PRKAR1A: variants seen among roughly 807,000 people sequenced by gnomAD.
PRKAR1A encodes the protein cAMP-dependent protein kinase type I-alpha regulatory subunit.
PRKAR1A carries 3 observed loss-of-function variants against 52.0 expected under a neutral mutation model. The ratio of observed to expected loss-of-function variants is 0.06; its 90% CI spans 0.03 to 0.15. PRKAR1A has a LOEUF of 0.15. PRKAR1A is among the 10% of genes least tolerant of loss of function. The pLI is 1.00. For missense variants in PRKAR1A, 240 were observed against 477.4 expected (o/e 0.50, Z 4.63); for synonymous variants, 188 against 168.4 (o/e 1.12, Z -0.90).
intron 11 of PRKAR1A, chr17:68,542,804 A>C: frequency 6.2e-7 from 1 of 1,612,668 alleles, no homozygotes; most frequent in Non-Finnish European, 8.5e-7. Flanking sequence ...TCGGAAGTCC[A>C]GAATCCTGCA....
At chr17:68,528,262 A>G (rs2085852786) in intron 8 of PRKAR1A, among the ~76,000 whole-genome samples, 1 of 152,170 alleles carries the variant, frequency 6.6e-6, no homozygotes. Flanking sequence ...TGTTATGTGG[A>G]CTTGGAGATG....
chr17:68,450,466 G>A, the PRKAR1A span, among the ~76,000 whole-genome samples: 1 of 152,186 alleles, frequency 6.6e-6, no homozygotes, highest in Non-Finnish European at 1.5e-5. Context: ...TGCCCAATCT[G>A]TACCCTAGGG....
At chr17:68,457,225 C>G in the PRKAR1A span, 3 of 1,249,252 alleles carry the variant, frequency 2.4e-6, no homozygotes, top group Non-Finnish European at 3.3e-6. Context: ...AAGCAGACAC[C>G]GGCCCTCCCG....
At chr17:68,442,483 A>AGGAGAAAC in the PRKAR1A span, among the ~76,000 whole-genome samples, 1 of 150,474 alleles carries the variant, frequency 6.6e-6, no homozygotes, top group African/African-American at 2.4e-5. Flanking sequence ...AAAAAAAAAA[A>AGGAGAAAC]GGAGAAACAT....
At chr17:68,421,974 G>T in the PRKAR1A span, 1 of 817,188 alleles carries the variant, frequency 1.2e-6, no homozygotes, top group Non-Finnish European at 2.1e-6. Flanking sequence ...CCACAGAATG[G>T]TCACCCAGCT....
intron 11 of PRKAR1A, among the ~76,000 whole-genome samples, chr17:68,546,064 G>A (rs1159743480): frequency 6.6e-6 from 1 of 151,278 alleles, no homozygotes; most frequent in Non-Finnish European, 1.5e-5. Context: ...AGCTACTTGG[G>A]AGGCTGAGGC....
Position 68,531,776 on chromosome 17 carries a change from T to C in PRKAR1A, c.*1327T>C. The C allele has an allele frequency of 9.6e-7, 1 of 1,040,002 alleles. No individual in the cohort carries two copies. The highest frequency in any genetic ancestry group is 1.7e-5 in the African/African-American group (1 of 60,602). 64.4% of individuals were successfully genotyped at this position (1,040,002 alleles called of 1,614,324 possible). A position where few individuals can be genotyped will look rare whatever the true frequency, so the allele number is the denominator to read the frequency against. ...ACTGTATTTCAGTATTTTCCAGCCTTATGTGTTACATTATTCCAATGATAC... is the reference window on the plus strand; with the variant it reads ...ACTGTATTTCAGTATTTTCCAGCCTCATGTGTTACATTATTCCAATGATAC... On this transcript the variant is annotated 3_prime_UTR_variant, in exon 11 of 11. Coordinates refer to ENST00000589228, the MANE Select transcript of PRKAR1A (RefSeq NM_002734.5).
At chr17:68,519,403 A>G (rs1238646067) in intron 2 of PRKAR1A, among the ~76,000 whole-genome samples, 1 of 152,218 alleles carries the variant, frequency 6.6e-6, no homozygotes, top group Admixed American at 6.5e-5. Context: ...AGGGTCAAGC[A>G]AAAGGGGGAA....
At chr17:68,478,686 G>A in the PRKAR1A span, among the ~76,000 whole-genome samples, 1 of 151,384 alleles carries the variant, frequency 6.6e-6, no homozygotes, top group African/African-American at 2.4e-5. Flanking sequence ...ACTAGGCCTA[G>A]GTGTGTTAAA....
the PRKAR1A span, chr17:68,444,442 AG>A: frequency 6.6e-7 from 1 of 1,523,168 alleles, no homozygotes; most frequent in Non-Finnish European, 9.0e-7. Context: ...TTGGGAAAGA[AG>A]CACCAGGACA....
chr17:68,518,162 C>A (rs148989938), intron 2 of PRKAR1A, among the ~76,000 whole-genome samples: 1 of 152,308 alleles, frequency 6.6e-6, no homozygotes, highest in Admixed American at 6.5e-5. Flanking sequence ...CATTGAGAGT[C>A]TGTTGCTTTT....
chr17:68,514,162 C>T (rs956276646), intron 1 of PRKAR1A, among the ~76,000 whole-genome samples: 1 of 152,172 alleles, frequency 6.6e-6, no homozygotes, highest in East Asian at 1.9e-4. Flanking sequence ...TTCTAATGGT[C>T]TGTTAATTAG....
At chr17:68,424,110 G>A in the PRKAR1A span, among the ~76,000 whole-genome samples, 1 of 152,198 alleles carries the variant, frequency 6.6e-6, no homozygotes, top group Admixed American at 6.5e-5. Context: ...TTGGGGCCAT[G>A]AGAACCCAAA....
At chr17:68,435,072 C>A in the PRKAR1A span, among the ~76,000 whole-genome samples, 2 of 152,052 alleles carry the variant, frequency 1.3e-5, no homozygotes, top group Admixed American at 1.3e-4. Context: ...CCAGGCGTGG[C>A]AGCATGTGCC....
Position 68,531,670 on chromosome 17 carries a change from T to C in PRKAR1A, c.*1221T>C. ...TGAAAGGCTATCCTGCTGAAAGTCC[T>C]GCTTTCCTATCTAGCATTTATTTCT... On this transcript the variant is annotated 3_prime_UTR_variant, in exon 11 of 11. Transcript: ENST00000589228. The C allele has an allele frequency of 9.4e-7, 1 of 1,065,912 alleles. No individual in the cohort carries two copies. The highest frequency in any genetic ancestry group is 1.1e-6 in the Non-Finnish European group (1 of 879,184). The allele number at this position is 1,065,912 out of a possible 1,614,324, so 66.0% of individuals were successfully genotyped here.
At chr17:68,470,898 G>T in the PRKAR1A span, among the ~76,000 whole-genome samples, 1 of 152,184 alleles carries the variant, frequency 6.6e-6, no homozygotes, top group Non-Finnish European at 1.5e-5. Context: ...AGAGGTGACT[G>T]CCACCCCCAA....
chr17:68,531,895 T>C lies in PRKAR1A; in HGVS notation c.*1446T>C, dbSNP rs540125590. On this transcript the variant is annotated 3_prime_UTR_variant, in exon 11 of 11. Coordinates refer to ENST00000589228, the MANE Select transcript of PRKAR1A (RefSeq NM_002734.5). ...TCATTGTGATTTATATATAAGGTAATGTAGGGTTATATTTGGGAGTGACTG... is the reference window on the plus strand; with the variant it reads ...TCATTGTGATTTATATATAAGGTAACGTAGGGTTATATTTGGGAGTGACTG... 1 of 1,050,198 alleles carries C rather than the reference T, an allele frequency of 9.5e-7. No homozygotes were observed. The highest frequency in any genetic ancestry group is 1.2e-6 in the Non-Finnish European group (1 of 865,082). The allele number at this position is 1,050,198 out of a possible 1,614,324, so 65.1% of individuals were successfully genotyped here.
the PRKAR1A span, chr17:68,436,413 C>T: frequency 6.2e-7 from 1 of 1,613,976 alleles, no homozygotes; most frequent in Non-Finnish European, 8.5e-7. Flanking sequence ...CACAATCTCC[C>T]CTGAAGTCAG....
intron 11 of PRKAR1A, among the ~76,000 whole-genome samples, chr17:68,547,975 G>T (rs2086646029): frequency 6.6e-6 from 1 of 152,138 alleles, no homozygotes; most frequent in Non-Finnish European, 1.5e-5. Flanking sequence ...CTCCTTTCAT[G>T]TGAACACTTA....
Sources: gnomAD v4.1 joint callset for allele counts (sites outside exome capture counted in the v4.1 genomes callset) on GRCh38, gnomAD v4.1.1 for gene constraint, MANE v1.5 for transcripts, NCBI Gene and HGNC (gene_info 2026-07-23, HGNC 2026-07-21) for gene names.